The following ABHD13 variants were observed in gnomAD, a reference collection of about 807,000 sequenced individuals.
ABHD13 encodes protein ABHD13.
A neutral mutation model predicts 25.2 loss-of-function variants in ABHD13; 7 were observed. The observed-to-expected ratio is 0.28, with a 90% confidence interval of 0.16 to 0.52. ABHD13 has a LOEUF of 0.52. Among genes scored for constraint, ABHD13 ranks in the 20% least tolerant of loss-of-function variants. The pLI is 0.96. For synonymous variants in ABHD13, 133 were observed against 136.1 expected (o/e 0.98, Z 0.16); for missense variants, 302 against 402.7 (o/e 0.75, Z 2.14).
intron 1 of ABHD13, among the ~76,000 whole-genome samples, chr13:108,228,026 A>G (rs1254485941): frequency 6.6e-6 from 1 of 152,088 alleles, no homozygotes; most frequent in Non-Finnish European, 1.5e-5. Flanking sequence ...TAACCTCTTT[A>G]TAGCAGTTTG....
rs547156514 is a variant in ABHD13, at chr13:108,218,439, A to G, written c.-241A>G. 2.0e-5 allele frequency: 3 copies of G among 151,954 alleles called. No homozygotes were observed. Among genetic ancestry groups the G allele is most frequent in the Non-Finnish European group, 4.4e-5 (3 of 68,028 alleles). The allele number at this position is 151,954 out of a possible 1,614,324, so 9.4% of individuals were successfully genotyped here. On this transcript the variant is annotated 5_prime_UTR_variant, in exon 1 of 2. An upstream start codon of the reference 5' UTR is lost. Transcript: ENST00000375898. ...CGGGAGCGGAGACGGAGAACAGGTT[A>G]TGTGGGAGCCGGCGGGGGCATTTGC...
intron 1 of ABHD13, among the ~76,000 whole-genome samples, chr13:108,225,134 T>A (rs773157393): frequency 6.6e-6 from 1 of 152,226 alleles, no homozygotes; most frequent in Non-Finnish European, 1.5e-5. Context: ...CCTGGGTTTT[T>A]AAAAAATGTA....
chr13:108,233,744 ATATAT>A lies in ABHD13; in HGVS notation c.*3514_*3518del, dbSNP rs1034858959. The A allele has an allele frequency of 1.2e-5, 2 of 166,802 alleles. No individual in the cohort carries two copies. The highest frequency in any genetic ancestry group is 2.9e-5 in the Non-Finnish European group (2 of 67,942). 10.3% of individuals were successfully genotyped at this position (166,802 alleles called of 1,614,324 possible). On this transcript the variant is annotated 3_prime_UTR_variant, in exon 2 of 2. Transcript: ENST00000375898. ...ACATAGTTTTAGCAAATTGGAAATA[ATATAT>A]TCATTTGTATGGCAAGATAAATGCA... is the stretch of plus-strand genomic sequence containing the variant.
rs143373103 is a variant in ABHD13, at chr13:108,219,485, T to C, written c.-21+826T>C. Among the ~76,000 whole-genome samples the C allele has an allele frequency of 6.5e-4, 99 of 152,346 alleles. 3 individuals are homozygous for C. The highest frequency in any genetic ancestry group is 6.3e-3 in the Admixed American group (97 of 15,308). On this transcript the variant is annotated intron_variant, in intron 1 of 1. Transcript: ENST00000375898. ...GAGGGGGTTCGTGGATCAATACTTA[T>C]TTGTATGCATGCTTAGGGAAATCAC...
chr13:108,228,328 A>G (rs939360366), intron 1 of ABHD13, among the ~76,000 whole-genome samples: 8 of 151,964 alleles, frequency 5.3e-5, no homozygotes, highest in African/African-American at 1.7e-4. Flanking sequence ...CTGAACCCTC[A>G]AGTATTTATT....
chr13:108,221,205 C>T (rs1294668284), intron 1 of ABHD13, among the ~76,000 whole-genome samples: 1 of 152,204 alleles, frequency 6.6e-6, no homozygotes, highest in African/African-American at 2.4e-5. Context: ...TCATTTGTCC[C>T]ATAGGACTAT....
At chr13:108,223,380 A>G (rs1321641188) in intron 1 of ABHD13, among the ~76,000 whole-genome samples, 1 of 152,234 alleles carries the variant, frequency 6.6e-6, no homozygotes, top group African/African-American at 2.4e-5. Context: ...AGTTCAGCTC[A>G]CAATTCAAAT....
Position 108,233,720 on chromosome 13 carries a change from C to G in ABHD13, c.*3488C>G, listed in dbSNP as rs1879860341. Reference sequence around the variant, plus strand: ...TTAATACTATATATATATATACACACATAGTTTTAGCAAATTGGAAATAAT... The same window carrying G: ...TTAATACTATATATATATATACACAGATAGTTTTAGCAAATTGGAAATAAT... On this transcript the variant is annotated 3_prime_UTR_variant, in exon 2 of 2. Transcript: ENST00000375898. 6.0e-6 allele frequency: 1 copy of G among 166,568 alleles called. No individual in the cohort carries two copies. The highest frequency in any genetic ancestry group is 1.5e-5 in the Non-Finnish European group (1 of 67,902). 10.3% of individuals were successfully genotyped at this position (166,568 alleles called of 1,614,324 possible).
rs1313415862 is a variant in ABHD13, at chr13:108,232,301, T to A, written c.*2069T>A. On this transcript the variant is annotated 3_prime_UTR_variant, in exon 2 of 2. Transcript: ENST00000375898. ...AAATTTTAAGCCAGGACTTCAAAAATTGTAGAGTACTTGTTTGGCGTTCCC... is the reference window on the plus strand; with the variant it reads ...AAATTTTAAGCCAGGACTTCAAAAAATGTAGAGTACTTGTTTGGCGTTCCC... The A allele has an allele frequency of 6.0e-6, 1 of 166,930 alleles. No homozygotes were observed. Among genetic ancestry groups the A allele is most frequent in the Non-Finnish European group, 1.5e-5 (1 of 68,014 alleles). The allele number at this position is 166,930 out of a possible 1,614,324, so 10.3% of individuals were successfully genotyped here. A position where few individuals can be genotyped will look rare whatever the true frequency, so the allele number is the denominator to read the frequency against.
chr13:108,220,081 A>C (rs1418096901), intron 1 of ABHD13, among the ~76,000 whole-genome samples: 1 of 152,200 alleles, frequency 6.6e-6, no homozygotes, highest in Non-Finnish European at 1.5e-5. Context: ...GTTCAATTTA[A>C]TCTTTCATCC....
In ABHD13 at chr13:108,229,534, T is replaced by A; in HGVS notation, c.316T>A (p.Tyr106Asn). ...GIRLNLILIR[Y>N]TGDNSPYSPT... is the part of the protein sequence containing the mutation. ...ACGTCTGAATCTTATTTTGATACGA[T>A]ACACTGGAGACAATTCACCCTATTC... is the stretch of plus-strand genomic sequence containing the variant. The change falls in exon 2 of 2, where the codon TAC becomes AAC. Residue 106 changes from tyrosine (Y) to asparagine (N), a missense_variant. Coordinates refer to ENST00000375898, the MANE Select transcript of ABHD13 (RefSeq NM_032859.3). The surrounding 1 kb of genome is among the most constrained non-coding windows in gnomAD (Gnocchi z 4.7). 1.2e-6 allele frequency: 2 copies of A among 1,613,468 alleles called. No homozygotes were observed. Among genetic ancestry groups the A allele is most frequent in the Non-Finnish European group, 1.7e-6 (2 of 1,179,598 alleles).
At chr13:108,221,816 A>G (rs1879574093) in intron 1 of ABHD13, among the ~76,000 whole-genome samples, 1 of 151,750 alleles carries the variant, frequency 6.6e-6, no homozygotes, top group Non-Finnish European at 1.5e-5. Context: ...CCGTAACTCG[A>G]TATACAATAT....
In ABHD13 at chr13:108,231,853, GATTTCTAAGAATGTT is replaced by G. The variant is rs1879811641; in HGVS notation, c.*1622_*1636del. ...AGAAAAAATAAATTATAGCAAGTATGATTTCTAAGAATGTTTTTCTATAAATTACTAATTGTAAAA... is the reference window on the plus strand; with the variant it reads ...AGAAAAAATAAATTATAGCAAGTATGTTTCTATAAATTACTAATTGTAAAA... On this transcript the variant is annotated 3_prime_UTR_variant, in exon 2 of 2. Transcript: ENST00000375898. The G allele has an allele frequency of 6.3e-6, 1 of 157,836 alleles. No homozygotes were observed. Among genetic ancestry groups the G allele is most frequent in the African/African-American group, 2.5e-5 (1 of 39,868 alleles). 9.8% of individuals were successfully genotyped at this position (157,836 alleles called of 1,614,324 possible).
At chr13:108,225,486 A>C (rs1307578585) in intron 1 of ABHD13, among the ~76,000 whole-genome samples, 1 of 152,202 alleles carries the variant, frequency 6.6e-6, no homozygotes, top group East Asian at 1.9e-4. Flanking sequence ...AGCCAATAGC[A>C]GATGACACTT....
intron 1 of ABHD13, among the ~76,000 whole-genome samples, chr13:108,224,454 G>A (rs1014294599): frequency 5.9e-5 from 9 of 152,184 alleles, no homozygotes; most frequent in African/African-American, 2.2e-4. Context: ...CATACCATTC[G>A]TAGTGGGCAT....
In ABHD13 at chr13:108,233,163, AC is replaced by A. The variant is rs1201619110; in HGVS notation, c.*2932del. The A allele has an allele frequency of 2.4e-5, 4 of 166,870 alleles. No homozygotes were observed. Among genetic ancestry groups the A allele is most frequent in the African/African-American group, 9.7e-5 (4 of 41,450 alleles). The allele number at this position is 166,870 out of a possible 1,614,324, so 10.3% of individuals were successfully genotyped here. A position where few individuals can be genotyped will look rare whatever the true frequency, so the allele number is the denominator to read the frequency against. ...GATTACCTGTAGACACTTGATATTT[AC>A]ATAGATTACAGCTTTGGTAATATGT... is the stretch of plus-strand genomic sequence containing the variant. On this transcript the variant is annotated 3_prime_UTR_variant, in exon 2 of 2. Transcript: ENST00000375898.
At position 108,231,590 on chromosome 13, in the gene ABHD13, G is replaced by A; in HGVS notation, c.*1358G>A. 6.0e-6 allele frequency: 1 copy of A among 166,858 alleles called. No individual in the cohort carries two copies. 10.3% of individuals were successfully genotyped at this position (166,858 alleles called of 1,614,324 possible). A position where few individuals can be genotyped will look rare whatever the true frequency, so the allele number is the denominator to read the frequency against. On this transcript the variant is annotated 3_prime_UTR_variant, in exon 2 of 2. Coordinates refer to ENST00000375898, the MANE Select transcript of ABHD13 (RefSeq NM_032859.3). ...AATACACGCTATGAGTCATAATTGTGCCAAGTTGTTTCATGCAGTCCTCAA... is the reference window on the plus strand; with the variant it reads ...AATACACGCTATGAGTCATAATTGTACCAAGTTGTTTCATGCAGTCCTCAA...
chr13:108,218,889 C>G (rs1014269843), intron 1 of ABHD13, among the ~76,000 whole-genome samples: 1 of 152,072 alleles, frequency 6.6e-6, no homozygotes, highest in Non-Finnish European at 1.5e-5. Flanking sequence ...CGCCCCGACT[C>G]CGCTCACCAC....
rs1206924641 is a variant in ABHD13, at chr13:108,230,427, T to C, written c.*195T>C. ...TAATTCTTGGGATTCTTTCATACAT[T>C]TTCATCAAAACTTTCAGTGTGATTA... On this transcript the variant is annotated 3_prime_UTR_variant, in exon 2 of 2. Coordinates refer to ENST00000375898, the MANE Select transcript of ABHD13 (RefSeq NM_032859.3). 3 of 529,882 alleles carry C rather than the reference T, an allele frequency of 5.7e-6. No homozygotes were observed. Among genetic ancestry groups the C allele is most frequent in the Non-Finnish European group, 1.0e-5 (3 of 295,750 alleles). 32.8% of individuals were successfully genotyped at this position (529,882 alleles called of 1,614,324 possible).
Sources: gnomAD v4.1 joint callset for allele counts (sites outside exome capture counted in the v4.1 genomes callset) on GRCh38, gnomAD v4.1.1 for gene constraint, Gnocchi (gnomAD v3.1) non-coding constraint, MANE v1.5 for transcripts, NCBI Gene and HGNC (gene_info 2026-07-23, HGNC 2026-07-21) for gene names.